Variants in GAK observed in about 807,000 individuals in gnomAD.
The protein encoded by GAK is cyclin-G-associated kinase.
GAK carries 79 observed loss-of-function variants against 143.9 expected under a neutral mutation model. The observed-to-expected ratio is 0.55, with a 90% CI of 0.46 to 0.66. The LOEUF (loss-of-function observed/expected upper bound fraction) is 0.66, where lower values mean the gene tolerates loss of function less well. GAK is among the 30% of genes least tolerant of loss of function. The probability of loss-of-function intolerance (pLI) is 0.00; values close to 1 mark genes in which losing one functional copy is unlikely to be tolerated. For synonymous variants in GAK, 881 were observed against 765.5 expected, an observed-to-expected ratio of 1.15 and a Z score of -2.49; for missense variants, 1,693 against 1,779.7, an observed-to-expected ratio of 0.95 and a Z score of 0.88.
At chr4:891,359 T>C (rs1418536250) in intron 9 of GAK, among the ~76,000 whole-genome samples, 2 of 151,808 alleles carry the variant, frequency 1.3e-5, no homozygotes, top group Non-Finnish European at 2.9e-5. Context: ...CCACCTCGCA[T>C]GCCCAACCAT....
At chr4:911,330 G>A (rs912011699) in intron 4 of GAK, among the ~76,000 whole-genome samples, 1 of 152,010 alleles carries the variant, frequency 6.6e-6, no homozygotes, top group Non-Finnish European at 1.5e-5. Flanking sequence ...GAGAAGGACA[G>A]ACGCTCCTCC....
Position 920,180 on chromosome 4 carries a change from C to T in GAK, c.146-6512G>A, listed in dbSNP as rs1723685383. Among the ~76,000 whole-genome samples, 5 of 151,584 alleles carry T rather than the reference C, an allele frequency of 3.3e-5. No homozygotes were observed. The South Asian group carries it at 1.0e-3, about 32-fold the overall frequency. ...AAAATTAGCCCGGTATGGTGGCGGG[C>T]ACCTGTAGTCCCAGCTACTCGGGAG... is the stretch of plus-strand genomic sequence containing the variant. On this transcript the variant is annotated intron_variant, in intron 1 of 27. Transcript: ENST00000314167.
chr4:891,557 C>T (rs1400765755), intron 9 of GAK, among the ~76,000 whole-genome samples: 1 of 152,050 alleles, frequency 6.6e-6, no homozygotes, highest in African/African-American at 2.4e-5. Flanking sequence ...AACGTCTGTC[C>T]CCACGGGGTC....
At chr4:923,960 G>A (rs1047460621) in intron 1 of GAK, among the ~76,000 whole-genome samples, 2 of 152,094 alleles carry the variant, frequency 1.3e-5, no homozygotes, top group Admixed American at 6.6e-5. Flanking sequence ...CAAGGCCGGC[G>A]GGTGACCTGA....
chr4:867,590 G>A (rs141715842), intron 20 of GAK, among the ~76,000 whole-genome samples, 158 bp from the exon 21 acceptor site: 2,698 of 148,832 alleles, frequency 0.018, 85 homozygotes, highest in African/African-American at 0.064. Flanking sequence ...GGGCCTCCTC[G>A]GCCCAGGGCC....
rs1725965277 is a variant in GAK, at chr4:932,047, G to C, written c.141C>G (p.Ala47=). ...GCTGCCGACCCGGGGCCTCACCTTC[G>C]GCCAGGACCCGCCGCACCCGCAGCC... is the stretch of plus-strand genomic sequence containing the variant. ...ELRLRVRRVL[A]EGGFAFVYEA... is the part of the protein sequence containing the mutation. Residue 47 remains alanine (A), a synonymous_variant, in exon 1 of 28, where the codon GCC becomes GCG. Transcript: ENST00000314167. The surrounding 1 kb of genome is among the most constrained non-coding windows in gnomAD (Gnocchi z 4.0). 1 of 1,584,638 alleles carries C rather than the reference G, an allele frequency of 6.3e-7. No individual in the cohort carries two copies. The highest frequency in any genetic ancestry group is 8.6e-7 in the Non-Finnish European group (1 of 1,166,914).
chr4:850,124 G>A (rs1747856376), intron 26 of GAK, 56 bp from the exon 27 acceptor site: 2 of 1,478,198 alleles, frequency 1.4e-6, no homozygotes, highest in Non-Finnish European at 1.8e-6. Flanking sequence ...CTCCTCCTCT[G>A]CACCGCGGAA....
At chr4:913,054 A>G (rs1722316151) in intron 2 of GAK, among the ~76,000 whole-genome samples, 1 of 152,244 alleles carries the variant, frequency 6.6e-6, no homozygotes, top group African/African-American at 2.4e-5. Flanking sequence ...GTAAAATGAG[A>G]CAGACAAGAA....
At chr4:861,355 C>A (rs1163546838) in intron 23 of GAK, among the ~76,000 whole-genome samples, 1 of 152,178 alleles carries the variant, frequency 6.6e-6, no homozygotes, top group Non-Finnish European at 1.5e-5. Context: ...CAGTGGGCAG[C>A]TGAGGAAGGA....
intron 20 of GAK, among the ~76,000 whole-genome samples, chr4:867,642 G>A (rs1289957323): frequency 6.6e-6 from 1 of 150,950 alleles, no homozygotes; most frequent in Non-Finnish European, 1.5e-5. Context: ...CCCATGGCAT[G>A]GCCCCTCGGC....
At chr4:921,329 C>T (rs921436690) in intron 1 of GAK, among the ~76,000 whole-genome samples, 5 of 152,130 alleles carry the variant, frequency 3.3e-5, no homozygotes, top group South Asian at 2.1e-4. Flanking sequence ...TCTCGAACTC[C>T]TGGCTTCAGG....
chr4:876,614 A>G lies in GAK; in HGVS notation c.1975-5T>C, dbSNP rs1425346973. The G allele has an allele frequency of 1.9e-6, 3 of 1,613,698 alleles. No homozygotes were observed. The highest frequency in any genetic ancestry group is 1.7e-5 in the Admixed American group (1 of 60,014). On this transcript the variant is annotated splice_polypyrimidine_tract_variant and splice_region_variant and intron_variant, in intron 17 of 27. Transcript: ENST00000314167. The stretch of plus-strand genomic sequence containing the variant: ...GAACATCTTCATGGATGCCATCTGC[A>G]AAGAGAGCAAACACGACACCCCACG...
chr4:850,835 G>A (rs138652612), intron 26 of GAK, 101 bp downstream of exon 26: 66 of 1,333,124 alleles, frequency 5.0e-5, no homozygotes, highest in Non-Finnish European at 6.4e-5. Flanking sequence ...GGGGTGAAAG[G>A]TTGCTGTCTG....
At chr4:904,896 A>C (rs1381358744) in intron 4 of GAK, 117 bp from the exon 5 acceptor site, 1 of 1,042,640 alleles carries the variant, frequency 9.6e-7, no homozygotes, top group Non-Finnish European at 1.4e-6. Flanking sequence ...CTGACTTTCC[A>C]CACCTAAGTA....
intron 11 of GAK, 70 bp from the exon 12 acceptor site, chr4:884,156 C>T (rs1337796948): frequency 1.4e-6 from 2 of 1,415,488 alleles, no homozygotes; most frequent in Non-Finnish European, 2.0e-6. Flanking sequence ...GGGCTTAAGC[C>T]AGAGCCCGAG....
intron 1 of GAK, among the ~76,000 whole-genome samples, chr4:921,560 AG>A (rs1723931574): frequency 6.6e-6 from 1 of 152,220 alleles, no homozygotes. Context: ...AGAAAAACAC[AG>A]GAGACAAATC....
intron 11 of GAK, among the ~76,000 whole-genome samples, chr4:884,642 G>A (rs774604686): frequency 1.4e-4 from 21 of 152,226 alleles, no homozygotes; most frequent in Non-Finnish European, 2.5e-4. Context: ...CTGGGTCCAC[G>A]GAATCGGTAA....
In GAK at chr4:882,694, C is replaced by T; in HGVS notation, c.1527+3G>A. The T allele has an allele frequency of 6.2e-7, 1 of 1,611,798 alleles. No individual in the cohort carries two copies. Among genetic ancestry groups the T allele is most frequent in the Non-Finnish European group, 8.5e-7 (1 of 1,179,930 alleles). ...GGCGCCAGCCCACGGCCCTCGAGCT[C>T]ACCATGCAGTGCACGACGCAGACGT... On this transcript the variant is annotated splice_donor_region_variant and intron_variant, in intron 14 of 27. Transcript: ENST00000314167.
chr4:897,834 A>C, intron 6 of GAK, 199 bp downstream of exon 6: 1 of 502,636 alleles, frequency 2.0e-6, no homozygotes, highest in South Asian at 2.8e-5. Context: ...CTGTAACCCC[A>C]GCTACTCGGG....
Sources: gnomAD v4.1 joint callset for allele counts (sites outside exome capture counted in the v4.1 genomes callset) on GRCh38, gnomAD v4.1.1 for gene constraint, Gnocchi (gnomAD v3.1) non-coding constraint, MANE v1.5 for transcripts, NCBI Gene and HGNC (gene_info 2026-07-23, HGNC 2026-07-21) for gene names.